STAT5B: variants seen among roughly 807,000 people sequenced by gnomAD.
STAT5B encodes signal transducer and activator of transcription 5B, also known as transcription factor STAT5B.
A neutral mutation model predicts 107.8 loss-of-function variants in STAT5B; 21 were observed. The ratio of observed to expected loss-of-function variants is 0.19; its 90% CI spans 0.14 to 0.28. The LOEUF (loss-of-function observed/expected upper bound fraction) is 0.28. Ranked by LOEUF, STAT5B falls within the 10% of genes least tolerant of loss-of-function variation. The pLI, the probability that STAT5B is intolerant of heterozygous loss-of-function variation, is 1.00. For synonymous variants in STAT5B, 325 were observed against 401.7 expected (o/e 0.81, Z 2.28); for missense variants, 565 against 1,008.2 (o/e 0.56, Z 5.95).
At chr17:42,246,812 C>G (rs2080455649) in intron 1 of STAT5B, among the ~76,000 whole-genome samples, 1 of 152,156 alleles carries the variant, frequency 6.6e-6, no homozygotes, top group Non-Finnish European at 1.5e-5. Context: ...ACATCCCTTA[C>G]CTCTAATCAC....
chr17:42,211,963 G>T (rs2144224269), intron 13 of STAT5B, 21 bp downstream of exon 13: 1 of 1,597,794 alleles, frequency 6.3e-7, no homozygotes, highest in South Asian at 1.1e-5. Flanking sequence ...TCTAACAGCG[G>T]CTGGCAGCTG....
At chr17:42,242,350 A>G (rs928720625) in intron 1 of STAT5B, among the ~76,000 whole-genome samples, 15 of 152,188 alleles carry the variant, frequency 9.9e-5, no homozygotes, top group African/African-American at 2.7e-4. Context: ...ATTAGGTGAC[A>G]GTTGTTGGGG....
chr17:42,253,121 T>C (rs2080513257), intron 1 of STAT5B, among the ~76,000 whole-genome samples: 1 of 152,166 alleles, frequency 6.6e-6, no homozygotes, highest in South Asian at 2.1e-4. Context: ...TCTTTCTTTC[T>C]TTCTTTCTTT....
At chr17:42,249,606 T>C (rs938791676) in intron 1 of STAT5B, among the ~76,000 whole-genome samples, 7 of 152,028 alleles carry the variant, frequency 4.6e-5, no homozygotes, top group African/African-American at 1.7e-4. Flanking sequence ...GTTTCTTAGA[T>C]TAGACATGGA....
chr17:42,202,415 C>G lies in STAT5B; in HGVS notation c.2162G>C (p.Gly721Ala). ...GGCCTGGTCCATGTACGTGGCGCTG[C>G]CGCCCCCGGCATCTGCAGATGCGTT... ...FVNASADAGGGSATYMDQAPS... is the reference protein window; with the variant it reads ...FVNASADAGGASATYMDQAPS... Residue 721 changes from glycine (G) to alanine (A), a missense_variant, in exon 18 of 19, where the codon GGC becomes GCC. Transcript: ENST00000293328. The G allele has an allele frequency of 6.2e-7, 1 of 1,614,248 alleles. No homozygotes were observed. Among genetic ancestry groups the G allele is most frequent in the Non-Finnish European group, 8.5e-7 (1 of 1,180,038 alleles).
At chr17:42,258,820 G>A (rs529132167) in intron 1 of STAT5B, among the ~76,000 whole-genome samples, 4 of 152,306 alleles carry the variant, frequency 2.6e-5, no homozygotes, top group Non-Finnish European at 2.9e-5. Flanking sequence ...GTCATGGTGT[G>A]AACTTGGCAG....
chr17:42,269,754 GT>G (rs1449119724), intron 1 of STAT5B: 4 of 151,810 alleles, frequency 2.6e-5, no homozygotes, highest in African/African-American at 7.3e-5. Context: ...ACGCTTTAGG[GT>G]TGTGAATTCT....
chr17:42,244,094 T>C (rs1404058242), intron 1 of STAT5B, among the ~76,000 whole-genome samples: 1 of 66,260 alleles, frequency 1.5e-5, no homozygotes, highest in Non-Finnish European at 3.0e-5. Context: ...TTTCTTTTCT[T>C]TTTTTTTTTT....
At chr17:42,238,151 C>CA (rs1044332136) in intron 1 of STAT5B, among the ~76,000 whole-genome samples, 5 of 140,900 alleles carry the variant, frequency 3.5e-5, no homozygotes. Context: ...TCCATCCATC[C>CA]GAGACAGGGT....
In STAT5B at chr17:42,211,873, C is replaced by T. The variant is rs565566347; in HGVS notation, c.1680+111G>A. ...TCTAGTCAGAAGCTTCTATTACTTT[C>T]GGTACATTTTATTAGAGACATGAAG... On this transcript the variant is annotated intron_variant, in intron 13 of 18. Coordinates refer to ENST00000293328, the MANE Select transcript of STAT5B (RefSeq NM_012448.4). 3.8e-4 allele frequency: 567 copies of T among 1,488,342 alleles called. 4 individuals carry two copies. The African/African-American group carries it at 6.7e-3, about 17-fold the overall frequency. 92.2% of individuals were successfully genotyped at this position (1,488,342 alleles called of 1,614,324 possible). A position where few individuals can be genotyped will look rare whatever the true frequency, so the allele number is the denominator to read the frequency against.
chr17:42,218,135 G>C lies in STAT5B; in HGVS notation c.1169+16C>G. On this transcript the variant is annotated intron_variant, in intron 9 of 18. Coordinates refer to ENST00000293328, the MANE Select transcript of STAT5B (RefSeq NM_012448.4). ...TGAGACAAGTAGCAGGGAATGAGAGGAAGCTGCACAATTACTTGCGGGTGT... is the reference window on the plus strand; with the variant it reads ...TGAGACAAGTAGCAGGGAATGAGAGCAAGCTGCACAATTACTTGCGGGTGT... The C allele has an allele frequency of 6.2e-7, 1 of 1,612,652 alleles. No individual in the cohort carries two copies. The highest frequency in any genetic ancestry group is 8.5e-7 in the Non-Finnish European group (1 of 1,179,292).
intron 1 of STAT5B, among the ~76,000 whole-genome samples, chr17:42,254,821 G>T (rs1171928595): frequency 6.6e-6 from 1 of 152,138 alleles, no homozygotes; most frequent in Admixed American, 6.5e-5. Context: ...AGGTCGGTGC[G>T]GTGGCTCATG....
chr17:42,263,871 GCACACACACACA>G (rs3222522), intron 1 of STAT5B, among the ~76,000 whole-genome samples: 15 of 145,028 alleles, frequency 1.0e-4, no homozygotes, highest in South Asian at 2.2e-4. Context: ...TAGAAAGCGC[GCACACACACACA>G]CACACACACA....
intron 1 of STAT5B, among the ~76,000 whole-genome samples, chr17:42,268,374 C>T (rs1022929251): frequency 6.6e-6 from 1 of 152,116 alleles, no homozygotes. Context: ...ATCATACAGC[C>T]TAGGTGTGCA....
At chr17:42,260,912 C>G (rs1240036317) in intron 1 of STAT5B, among the ~76,000 whole-genome samples, 1 of 142,182 alleles carries the variant, frequency 7.0e-6, no homozygotes, top group East Asian at 2.0e-4. Context: ...GTTTATATGT[C>G]TTACCTTTTT....
intron 5 of STAT5B, 84 bp downstream of exon 5, chr17:42,223,298 G>T: frequency 6.2e-7 from 1 of 1,600,588 alleles, no homozygotes; most frequent in South Asian, 1.1e-5. Flanking sequence ...TGGAAAGTGT[G>T]CTTTCTCCCA....
chr17:42,207,708 G>A lies in STAT5B; in HGVS notation c.1927C>T (p.Leu643=), dbSNP rs150697956. ...FDSQERMFWN[L]MPFTTRDFSI... Reference sequence around the variant, plus strand: ...AAGTCTCTGGTGGTAAAAGGCATCAGATTCCAAAACATTCTTTCCTCTAGA... The same window carrying A: ...AAGTCTCTGGTGGTAAAAGGCATCAAATTCCAAAACATTCTTTCCTCTAGA... The change falls in exon 16 of 19, where the codon CTG becomes TTG. Residue 643 remains leucine (L), a synonymous_variant. Coordinates refer to ENST00000293328, the MANE Select transcript of STAT5B (RefSeq NM_012448.4). The A allele has an allele frequency of 3.7e-5, 60 of 1,614,104 alleles. No homozygotes were observed. The African/African-American group carries it at 6.9e-4, about 19-fold the overall frequency.
chr17:42,210,631 C>T, intron 13 of STAT5B, 134 bp from the exon 14 acceptor site: 1 of 864,140 alleles, frequency 1.2e-6, no homozygotes, highest in South Asian at 1.4e-5. Flanking sequence ...TCCCCGCCTA[C>T]CTGAGTTTTA....
At chr17:42,216,382 T>C (rs1274061106) in intron 11 of STAT5B, among the ~76,000 whole-genome samples, 1 of 152,202 alleles carries the variant, frequency 6.6e-6, no homozygotes, top group East Asian at 1.9e-4. Context: ...GAAAAGACTA[T>C]TGGAGATATT....
Sources: gnomAD v4.1 joint callset for allele counts (sites outside exome capture counted in the v4.1 genomes callset) on GRCh38, gnomAD v4.1.1 for gene constraint, MANE v1.5 for transcripts, NCBI Gene and HGNC (gene_info 2026-07-23, HGNC 2026-07-21) for gene names.